The following GALNT13 variants were observed in gnomAD, a reference collection of about 807,000 sequenced individuals.
GALNT13 encodes polypeptide N-acetylgalactosaminyltransferase 13.
A neutral mutation model predicts 64.2 loss-of-function variants in GALNT13; 28 were observed. That is an observed-to-expected ratio of 0.44 (90% confidence interval 0.32 to 0.60). The LOEUF is 0.60. GALNT13 is among the 20% of genes least tolerant of loss of function. The probability of loss-of-function intolerance (pLI) is 0.05; values close to 1 mark genes in which losing one functional copy is unlikely to be tolerated. For missense variants in GALNT13, 577 were observed against 669.8 expected (o/e 0.86, Z 1.53); for synonymous variants, 214 against 224.6 (o/e 0.95, Z 0.42).
the GALNT13 span, among the ~76,000 whole-genome samples, chr2:153,499,600 C>T: frequency 1.3e-5 from 2 of 152,176 alleles, no homozygotes; most frequent in African/African-American, 4.8e-5. Context: ...GCCCGCAGAC[C>T]TGTGCCAAGC....
the GALNT13 span, among the ~76,000 whole-genome samples, chr2:153,645,526 G>A: frequency 1.3e-5 from 2 of 151,982 alleles, no homozygotes; most frequent in African/African-American, 4.8e-5. Flanking sequence ...TTAAAATTAT[G>A]CAAATAGAAT....
chr2:154,323,874 C>G (rs1183757173), intron 9 of GALNT13, among the ~76,000 whole-genome samples: 2 of 152,064 alleles, frequency 1.3e-5, no homozygotes, highest in African/African-American at 2.4e-5. Context: ...AGCAAAAGTT[C>G]TGAGTCATAG....
At chr2:154,043,740 A>G (rs1699136020) in intron 3 of GALNT13, among the ~76,000 whole-genome samples, 1 of 152,136 alleles carries the variant, frequency 6.6e-6, no homozygotes, top group Non-Finnish European at 1.5e-5. Flanking sequence ...CTGAGACATA[A>G]AACATACATG....
At chr2:153,570,406 C>A in the GALNT13 span, among the ~76,000 whole-genome samples, 1 of 151,700 alleles carries the variant, frequency 6.6e-6, no homozygotes, top group African/African-American at 2.4e-5. Flanking sequence ...TTTATTTAAG[C>A]AAATAATAAC....
At chr2:153,777,414 G>A in the GALNT13 span, among the ~76,000 whole-genome samples, 3 of 152,150 alleles carry the variant, frequency 2.0e-5, no homozygotes, top group Non-Finnish European at 4.4e-5. Flanking sequence ...TCCTCAAAAA[G>A]TCATATGTTG....
rs553594061 is a variant in GALNT13, at chr2:154,153,934, C to T, written c.311+13429C>T. The stretch of plus-strand genomic sequence containing the variant: ...TTCGGCTCACGCAGGATGCGCTGCA[C>T]CCACTGTCCTGCGTCCATTGTCTGG... On this transcript the variant is annotated intron_variant, in intron 4 of 12. Transcript: ENST00000392825. Among the ~76,000 whole-genome samples the T allele has an allele frequency of 2.6e-5, 4 of 152,190 alleles. No homozygotes were observed. The South Asian group carries it at 6.2e-4, about 24-fold the overall frequency.
At chr2:153,483,494 G>A in the GALNT13 span, among the ~76,000 whole-genome samples, 8 of 128,356 alleles carry the variant, frequency 6.2e-5, no homozygotes, top group South Asian at 2.6e-4. Context: ...TCAGCTCACC[G>A]CAACCTCTGC....
At chr2:153,543,689 G>T in the GALNT13 span, among the ~76,000 whole-genome samples, 28 of 152,182 alleles carry the variant, frequency 1.8e-4, no homozygotes, top group South Asian at 5.8e-3. Flanking sequence ...CAGATCTTCT[G>T]GGAAAACAAA....
chr2:153,580,516 G>C, the GALNT13 span, among the ~76,000 whole-genome samples: 6 of 152,012 alleles, frequency 3.9e-5, no homozygotes, highest in African/African-American at 1.4e-4. Context: ...TGAGAAATAA[G>C]TTTTTTCTAA....
At chr2:153,706,769 G>A in the GALNT13 span, among the ~76,000 whole-genome samples, 9,047 of 152,188 alleles carry the variant, frequency 0.059, 328 homozygotes, top group African/African-American at 0.093. Context: ...CGGCATAGTG[G>A]AAAACAAGGA....
the GALNT13 span, among the ~76,000 whole-genome samples, chr2:153,452,040 C>T: frequency 6.6e-6 from 1 of 152,208 alleles, no homozygotes; most frequent in African/African-American, 2.4e-5. Context: ...CAGCCAGCAT[C>T]GCTTGTACAG....
At chr2:154,135,848 G>A (rs1484487915) in intron 3 of GALNT13, among the ~76,000 whole-genome samples, 4 of 152,092 alleles carry the variant, frequency 2.6e-5, no homozygotes, top group South Asian at 4.1e-4. Flanking sequence ...AATGAAAAAA[G>A]CAATTACTCA....
intron 3 of GALNT13, among the ~76,000 whole-genome samples, chr2:153,992,488 T>C (rs914822268): frequency 1.3e-5 from 2 of 152,158 alleles, no homozygotes; most frequent in African/African-American, 4.8e-5. Flanking sequence ...CCGAGTAATT[T>C]AATGCTAAAT....
chr2:153,715,178 TC>T, the GALNT13 span, among the ~76,000 whole-genome samples: 1 of 152,226 alleles, frequency 6.6e-6, no homozygotes, highest in Admixed American at 6.5e-5. Context: ...GTTATTAACT[TC>T]ACTGGGATGT....
intron 2 of GALNT13, among the ~76,000 whole-genome samples, chr2:153,940,554 G>T (rs1691270836): frequency 6.6e-6 from 1 of 152,038 alleles, no homozygotes; most frequent in Admixed American, 6.6e-5. Flanking sequence ...ACCGTGCCCG[G>T]CCAATTTCTT....
the GALNT13 span, among the ~76,000 whole-genome samples, chr2:153,333,421 A>T: frequency 6.6e-6 from 1 of 152,188 alleles, no homozygotes; most frequent in South Asian, 2.1e-4. Flanking sequence ...GTTTGCTGGC[A>T]TTCTCATTTT....
At chr2:153,475,563 C>T in the GALNT13 span, among the ~76,000 whole-genome samples, 21 of 152,314 alleles carry the variant, frequency 1.4e-4, no homozygotes, top group East Asian at 2.9e-3. Flanking sequence ...TCAGGACTTT[C>T]AGGACTTTTG....
chr2:154,163,511 A>G (rs1041865205), intron 4 of GALNT13, among the ~76,000 whole-genome samples: 2 of 152,146 alleles, frequency 1.3e-5, no homozygotes, highest in South Asian at 4.1e-4. Context: ...ATTCTTTAGT[A>G]CGGTGTTCTG....
chr2:153,329,484 T>C, the GALNT13 span, among the ~76,000 whole-genome samples: 1 of 152,330 alleles, frequency 6.6e-6, no homozygotes, highest in African/African-American at 2.4e-5. Context: ...TGGTATAAGA[T>C]GGTATCTCAT....
Sources: gnomAD v4.1 joint callset for allele counts (sites outside exome capture counted in the v4.1 genomes callset) on GRCh38, gnomAD v4.1.1 for gene constraint, MANE v1.5 for transcripts, NCBI Gene and HGNC (gene_info 2026-07-23, HGNC 2026-07-21) for gene names.